RHAG: variants seen among roughly 807,000 people sequenced by gnomAD.
The protein encoded by RHAG is Rh associated glycoprotein, also known as ammonium transporter Rh type A.
A neutral mutation model predicts 42.4 loss-of-function variants in RHAG; 25 were observed. The observed-to-expected ratio is 0.59, with a 90% CI of 0.43 to 0.82. RHAG has a LOEUF of 0.82. RHAG is among the 40% of genes least tolerant of loss of function. The pLI, the probability that RHAG is intolerant of heterozygous loss-of-function variation, is 0.00. For synonymous variants in RHAG, 182 were observed against 177.7 expected (o/e 1.02, Z -0.19); for missense variants, 483 against 504.6 (o/e 0.96, Z 0.41).
chr6:49,629,535 G>A (rs1388051817), intron 1 of RHAG, among the ~76,000 whole-genome samples: 1 of 152,190 alleles, frequency 6.6e-6, no homozygotes, highest in African/African-American at 2.4e-5. Context: ...GCCAGTCCCG[G>A]TGTTGTGCAC....
intron 9 of RHAG, 157 bp downstream of exon 9, chr6:49,606,691 C>T (rs538325378): frequency 3.0e-5 from 20 of 658,968 alleles, no homozygotes; most frequent in Middle Eastern, 6.5e-4. Flanking sequence ...CAGCCTCAGC[C>T]GCCCAACGTG....
intron 7 of RHAG, among the ~76,000 whole-genome samples, chr6:49,610,513 G>A (rs1762555120): frequency 6.6e-6 from 1 of 152,172 alleles, no homozygotes; most frequent in East Asian, 1.9e-4. Context: ...CAGAGGAGAA[G>A]ACTGAAAACC....
intron 1 of RHAG, among the ~76,000 whole-genome samples, chr6:49,624,236 C>T (rs958923018): frequency 6.6e-6 from 1 of 152,068 alleles, no homozygotes; most frequent in Non-Finnish European, 1.5e-5. Flanking sequence ...TGGAGTCTCA[C>T]TCTGTCTTGC....
chr6:49,614,223 G>A lies in RHAG; in HGVS notation c.807+464C>T, dbSNP rs571849651. Among the ~76,000 whole-genome samples the A allele has an allele frequency of 3.4e-3, 504 of 147,922 alleles. 3 individuals carry two copies. Among genetic ancestry groups the A allele is most frequent in the African/African-American group, 0.012 (477 of 40,020 alleles). Reference sequence around the variant, plus strand: ...TTTTTTCTTTGTGAGATGGAGTTTCGCTCTTGTTGCCTAGTCTGGAGTGCA... The same window carrying A: ...TTTTTTCTTTGTGAGATGGAGTTTCACTCTTGTTGCCTAGTCTGGAGTGCA... On this transcript the variant is annotated intron_variant, in intron 5 of 9. Coordinates refer to ENST00000371175, the MANE Select transcript of RHAG (RefSeq NM_000324.3).
chr6:49,627,165 C>G (rs1762856480), intron 1 of RHAG, among the ~76,000 whole-genome samples: 1 of 152,214 alleles, frequency 6.6e-6, no homozygotes, highest in Non-Finnish European at 1.5e-5. Context: ...CTGCAGCTGT[C>G]TTAAATTTCT....
chr6:49,634,604 G>A (rs1762980162), intron 1 of RHAG, among the ~76,000 whole-genome samples: 1 of 151,870 alleles, frequency 6.6e-6, no homozygotes, highest in African/African-American at 2.4e-5. Context: ...AAAAAATGTG[G>A]CATATATACA....
intron 1 of RHAG, among the ~76,000 whole-genome samples, chr6:49,623,611 A>C (rs1762797996): frequency 6.6e-6 from 1 of 152,170 alleles, no homozygotes; most frequent in Admixed American, 6.5e-5. Context: ...ACATTTGACA[A>C]TGTCTGGAGA....
At chr6:49,635,060 C>T (rs1429912041) in intron 1 of RHAG, among the ~76,000 whole-genome samples, 6 of 150,508 alleles carry the variant, frequency 4.0e-5, no homozygotes, top group African/African-American at 1.5e-4. Context: ...CAGCAAATTA[C>T]AAATATCCAT....
Position 49,636,721 on chromosome 6 carries a change from G to A in RHAG, c.92C>T (p.Thr31Ile), listed in dbSNP as rs765170057. 2.5e-6 allele frequency: 4 copies of A among 1,613,968 alleles called. No homozygotes were observed. In the Admixed American group the frequency reaches 6.7e-5, roughly 27 times the overall value. ...GLFVEYETDQ[T>I]VLEQLNITKP... is the part of the protein sequence containing the mutation. ...GGTGATGTTGAGCTGCTCGAGAACA[G>A]TCTGGTCCGTTTCATACTCAACAAA... is the stretch of plus-strand genomic sequence containing the variant. The change falls in exon 1 of 10, where the codon ACT becomes ATT. Residue 31 changes from threonine to isoleucine, a missense_variant. By Grantham distance (89) the Thr-to-Ile change is moderately conservative. Coordinates refer to ENST00000371175, the MANE Select transcript of RHAG (RefSeq NM_000324.3).
At chr6:49,630,031 C>A (rs1031363568) in intron 1 of RHAG, among the ~76,000 whole-genome samples, 15 of 152,216 alleles carry the variant, frequency 9.9e-5, no homozygotes, top group Non-Finnish European at 1.5e-4. Context: ...TCCTCAAGTG[C>A]CGCCAAAGTG....
At position 49,620,004 on chromosome 6, in the gene RHAG, C is replaced by A. The variant is rs188081590; in HGVS notation, c.158-642G>T. 8.5e-5 allele frequency among the ~76,000 whole-genome samples: 13 copies of A among 152,294 alleles called. No individual in the cohort carries two copies. In the East Asian group the frequency reaches 1.9e-3, roughly 23 times the overall value. Reference sequence around the variant, plus strand: ...CAAATATGTATAATAGCACCAGCCACGAAAATCTTACCAGATCATTATTTG... The same window carrying A: ...CAAATATGTATAATAGCACCAGCCAAGAAAATCTTACCAGATCATTATTTG... On this transcript the variant is annotated intron_variant, in intron 1 of 9. Coordinates refer to ENST00000371175, the MANE Select transcript of RHAG (RefSeq NM_000324.3).
intron 1 of RHAG, among the ~76,000 whole-genome samples, chr6:49,635,696 A>G (rs1763000294): frequency 6.6e-6 from 1 of 152,082 alleles, no homozygotes; most frequent in Non-Finnish European, 1.5e-5. Context: ...GTCACTTAGC[A>G]ACTCTAGGCC....
At position 49,605,822 on chromosome 6, in the gene RHAG, C is replaced by A; in HGVS notation, c.1221G>T (p.Lys407Asn). The A allele has an allele frequency of 6.2e-7, 1 of 1,613,166 alleles. No homozygotes were observed. Among genetic ancestry groups the A allele is most frequent in the South Asian group, 1.1e-5 (1 of 91,076 alleles). ...GGAACTGATTGTCAAGTTATCTCGTCTTAGGGACCTTTAAAAAAACAAGTT... is the reference window on the plus strand; with the variant it reads ...GGAACTGATTGTCAAGTTATCTCGTATTAGGGACCTTTAAAAAAACAAGTT... ...YDDSVYWKVP[K>N]TR Residue 407 changes from lysine (K) to asparagine (N), a missense_variant, in exon 10 of 10, where the codon AAG becomes AAT. Coordinates refer to ENST00000371175, the MANE Select transcript of RHAG (RefSeq NM_000324.3).
intron 1 of RHAG, 140 bp downstream of exon 1, chr6:49,636,516 C>G (rs1763011935): frequency 2.2e-6 from 2 of 928,720 alleles, no homozygotes. Flanking sequence ...TGTCACATCA[C>G]AAACATGTAA....
At chr6:49,614,973 AGTGT>A in intron 4 of RHAG, 120 bp from the exon 5 acceptor site, 3 of 977,990 alleles carry the variant, frequency 3.1e-6, no homozygotes, top group Non-Finnish European at 4.6e-6. Context: ...TTTGAGATGG[AGTGT>A]CCCTCTGTCA....
At chr6:49,613,776 T>C (rs1297217869) in intron 5 of RHAG, among the ~76,000 whole-genome samples, 12 of 152,214 alleles carry the variant, frequency 7.9e-5, no homozygotes, top group Non-Finnish European at 1.5e-5. Context: ...TACAGAATGT[T>C]TCCATATGTC....
chr6:49,614,777 G>A lies in RHAG; in HGVS notation c.717C>T (p.Ala239=). ...IAEPGDKQCR[A]IVNTYFSLAA... ...CGAGAGAGAAGTACGTGTTTACAAT[G>A]GCCCTGCACTGTTTGTCTCCAGGTT... Residue 239 remains alanine (A), a synonymous_variant, in exon 5 of 10, where the codon GCC becomes GCT. Transcript: ENST00000371175. The A allele has an allele frequency of 6.2e-7, 1 of 1,614,082 alleles. No homozygotes were observed. The highest frequency in any genetic ancestry group is 8.5e-7 in the Non-Finnish European group (1 of 1,179,990).
chr6:49,605,448 T>G lies in RHAG; in HGVS notation c.*365A>C. 3.6e-6 allele frequency: 1 copy of G among 276,260 alleles called. No individual in the cohort carries two copies. The highest frequency in any genetic ancestry group is 7.0e-6 in the Non-Finnish European group (1 of 143,254). 17.1% of individuals were successfully genotyped at this position (276,260 alleles called of 1,614,324 possible). A position where few individuals can be genotyped will look rare whatever the true frequency, so the allele number is the denominator to read the frequency against. ...TGCTTCATGGGTTTCAGTTTTATAA[T>G]TTTTGGGATTGAAGACATAGTGTCT... On this transcript the variant is annotated 3_prime_UTR_variant, in exon 10 of 10. Coordinates refer to ENST00000371175, the MANE Select transcript of RHAG (RefSeq NM_000324.3).
intron 1 of RHAG, among the ~76,000 whole-genome samples, chr6:49,623,154 T>C (rs536082138): frequency 4.5e-4 from 69 of 152,236 alleles, no homozygotes; most frequent in African/African-American, 1.5e-3. Context: ...ACATTTTATA[T>C]TGGGGTAAAG....
Sources: gnomAD v4.1 joint callset for allele counts (sites outside exome capture counted in the v4.1 genomes callset) on GRCh38, gnomAD v4.1.1 for gene constraint, MANE v1.5 for transcripts, NCBI Gene and HGNC (gene_info 2026-07-23, HGNC 2026-07-21) for gene names.